Variants in CACNA1A observed in about 807,000 individuals in gnomAD.
The protein encoded by CACNA1A is calcium voltage-gated channel subunit alpha1 A, also known as voltage-dependent P/Q-type calcium channel subunit alpha-1A.
A neutral mutation model predicts 262.4 loss-of-function variants in CACNA1A; 57 were observed. The observed-to-expected ratio is 0.22, with a 90% confidence interval of 0.18 to 0.27. The LOEUF is 0.27. Among genes scored for constraint, CACNA1A ranks in the 10% least tolerant of loss-of-function variants. The pLI is 1.00. For synonymous variants in CACNA1A, 1,431 were observed against 1,419.3 expected (o/e 1.01, Z -0.18); for missense variants, 2,526 against 3,562.8 (o/e 0.71, Z 7.41).
At chr19:13,367,480 C>A (rs1292313539) in intron 4 of CACNA1A, among the ~76,000 whole-genome samples, 1 of 152,002 alleles carries the variant, frequency 6.6e-6, no homozygotes, top group Non-Finnish European at 1.5e-5. Flanking sequence ...GTAATCCCAG[C>A]ACTTTGGGAG....
chr19:13,307,949 A>G (rs1232992794), intron 14 of CACNA1A, 95 bp from the exon 15 acceptor site: 1 of 1,404,568 alleles, frequency 7.1e-7, no homozygotes, highest in African/African-American at 1.4e-5. Flanking sequence ...GAACGTCTCC[A>G]TCATCTCTGT....
intron 3 of CACNA1A, among the ~76,000 whole-genome samples, chr19:13,396,118 G>A (rs751547399): frequency 1.3e-5 from 2 of 152,176 alleles, no homozygotes; most frequent in East Asian, 1.9e-4. Context: ...AATATGCCTT[G>A]TGAGTTGATT....
chr19:13,264,293 C>T (rs1042974888), intron 24 of CACNA1A, among the ~76,000 whole-genome samples: 21 of 152,182 alleles, frequency 1.4e-4, no homozygotes, highest in African/African-American at 4.6e-4. Context: ...ATCCCCATCC[C>T]CATCCCCAGT....
intron 3 of CACNA1A, among the ~76,000 whole-genome samples, chr19:13,377,017 T>C (rs2059432046): frequency 6.6e-6 from 1 of 151,828 alleles, no homozygotes; most frequent in Non-Finnish European, 1.5e-5. Flanking sequence ...TGGAGTGCAA[T>C]GGCACGACCT....
At chr19:13,258,652 T>C (rs1395912021) in intron 27 of CACNA1A, 3 of 151,508 alleles carry the variant, frequency 2.0e-5, no homozygotes, top group African/African-American at 4.9e-5. Flanking sequence ...TGTCTGAGAG[T>C]GGGTAGTAGG....
chr19:13,363,114 T>A (rs1028159610), intron 5 of CACNA1A: 2 of 152,210 alleles, frequency 1.3e-5, no homozygotes, highest in African/African-American at 4.8e-5. Flanking sequence ...AAATCGAGGC[T>A]TCCTCCCCTC....
intron 3 of CACNA1A, among the ~76,000 whole-genome samples, chr19:13,398,519 G>T (rs903107305): frequency 6.6e-6 from 1 of 152,162 alleles, no homozygotes; most frequent in Non-Finnish European, 1.5e-5. Context: ...AGGTGGAAGG[G>T]TTCAATAAGT....
At chr19:13,389,261 TCTCA>T (rs2059672098) in intron 3 of CACNA1A, among the ~76,000 whole-genome samples, 1 of 152,270 alleles carries the variant, frequency 6.6e-6, no homozygotes, top group South Asian at 2.1e-4. Flanking sequence ...GGTCTGGAGC[TCTCA>T]CTCATTCTGG....
chr19:13,330,171 C>CT lies in CACNA1A; in HGVS notation c.1345+72dup, dbSNP rs3834988. On this transcript the variant is annotated intron_variant, in intron 10 of 46. Coordinates refer to ENST00000360228, the MANE Select transcript of CACNA1A (RefSeq NM_001127222.2). The stretch of plus-strand genomic sequence containing the variant: ...CCAGGCAGCACGGTTTGCAAGCCCT[C>CT]TGCCCCCACCCCACCATGTCTCTTG... The CT allele has an allele frequency of 0.19, 210,998 of 1,128,992 alleles. 22,308 individuals are homozygous for CT. Among genetic ancestry groups the CT allele is most frequent in the African/African-American group, 0.41 (26,900 of 64,874 alleles). The allele number at this position is 1,128,992 out of a possible 1,614,324, so 69.9% of individuals were successfully genotyped here. A position where few individuals can be genotyped will look rare whatever the true frequency, so the allele number is the denominator to read the frequency against.
At position 13,224,750 on chromosome 19, in the gene CACNA1A, G is replaced by A; in HGVS notation, c.5648C>T (p.Pro1883Leu). 3.7e-6 allele frequency: 6 copies of A among 1,609,780 alleles called. No homozygotes were observed. Among genetic ancestry groups the A allele is most frequent in the South Asian group, 1.1e-5 (1 of 90,232 alleles). The change falls in exon 38 of 47, where the codon CCC becomes CTC. Residue 1883 changes from proline (P) to leucine (L), a missense_variant. Coordinates refer to ENST00000360228, the MANE Select transcript of CACNA1A (RefSeq NM_001127222.2). ...AYKRLLRMDL[P>L]VADDNTVHFN... ...GTGGACGGTGTTGTCATCTGCGACGGGCAGGTCCATCCGCAGAAGCCGCTA... is the reference window on the plus strand; with the variant it reads ...GTGGACGGTGTTGTCATCTGCGACGAGCAGGTCCATCCGCAGAAGCCGCTA...
chr19:13,354,257 T>C (rs2058965858), intron 6 of CACNA1A, among the ~76,000 whole-genome samples: 1 of 152,222 alleles, frequency 6.6e-6, no homozygotes, highest in South Asian at 2.1e-4. Flanking sequence ...TCTCCGTTGA[T>C]CTCAACTACT....
At chr19:13,418,765 TATGGTACAG>T (rs1278419814) in intron 3 of CACNA1A, among the ~76,000 whole-genome samples, 2 of 152,224 alleles carry the variant, frequency 1.3e-5, no homozygotes, top group Admixed American at 1.3e-4. Flanking sequence ...CCGTGTGGTT[TATGGTACAG>T]TCATGTGCTA....
intron 26 of CACNA1A, chr19:13,260,464 T>G (rs1002420102): frequency 1.3e-5 from 2 of 151,838 alleles, no homozygotes; most frequent in Non-Finnish European, 2.9e-5. Flanking sequence ...TTCTCCTGTC[T>G]CAGCCTCCCA....
intron 37 of CACNA1A, 24 bp downstream of exon 37, chr19:13,227,407 C>A: frequency 7.6e-7 from 1 of 1,320,820 alleles, no homozygotes; most frequent in South Asian, 1.4e-5. Flanking sequence ...GCCTGGACGT[C>A]GGTGGTCGGC....
At chr19:13,471,817 G>A (rs1385829764) in intron 1 of CACNA1A, among the ~76,000 whole-genome samples, 3 of 152,162 alleles carry the variant, frequency 2.0e-5, no homozygotes, top group Non-Finnish European at 4.4e-5. Context: ...ACTGCCTCAT[G>A]GATACAGGGT....
chr19:13,374,905 A>G (rs2059379850), intron 3 of CACNA1A, among the ~76,000 whole-genome samples: 1 of 152,176 alleles, frequency 6.6e-6, no homozygotes, highest in Non-Finnish European at 1.5e-5. Flanking sequence ...TCCTGGGCTC[A>G]AGGGATCCTC....
At position 13,466,149 on chromosome 19, in the gene CACNA1A, G is replaced by A. The variant is rs571883182; in HGVS notation, c.294-10937C>T. Among the ~76,000 whole-genome samples, 113 of 152,038 alleles carry A rather than the reference G, an allele frequency of 7.4e-4. 1 individual carries two copies. The highest frequency in any genetic ancestry group is 6.8e-3 in the Middle Eastern group (2 of 294). ...GCCACAGAGCCGTTCACTTTAAAAT[G>A]GTTAATTTTCTGTTATGCAAATTGC... On this transcript the variant is annotated intron_variant, in intron 1 of 46. Coordinates refer to ENST00000360228, the MANE Select transcript of CACNA1A (RefSeq NM_001127222.2).
intron 3 of CACNA1A, among the ~76,000 whole-genome samples, chr19:13,402,874 ATAT>A: frequency 6.1e-5 from 1 of 16,374 alleles, no homozygotes; most frequent in Non-Finnish European, 9.3e-5. Flanking sequence ...ACACACACAC[ATAT>A]ATATATATAT....
At chr19:13,315,940 C>CTTTAT (rs140079931) in intron 11 of CACNA1A, 9,239 of 151,796 alleles carry the variant, frequency 0.061, 459 homozygotes, top group East Asian at 0.13. Context: ...AATCACTACT[C>CTTTAT]TTTATTTTAT....
Sources: gnomAD v4.1 joint callset for allele counts (sites outside exome capture counted in the v4.1 genomes callset) on GRCh38, gnomAD v4.1.1 for gene constraint, MANE v1.5 for transcripts, NCBI Gene and HGNC (gene_info 2026-07-23, HGNC 2026-07-21) for gene names.